The following CLCA2 variants were observed in gnomAD, a reference collection of about 807,000 sequenced individuals.
CLCA2 encodes calcium-activated chloride channel regulator 2.
In CLCA2, 85 loss-of-function variants were observed where a neutral mutation model predicts 82.9. That is an observed-to-expected ratio of 1.03 (90% confidence interval 0.86 to 1.23). CLCA2 has a LOEUF of 1.23. Ranked by LOEUF, CLCA2 falls within the 50% of genes most tolerant of loss-of-function variation. The pLI is 0.00. For synonymous variants in CLCA2, 421 were observed against 391.7 expected (o/e 1.07, Z -0.88); for missense variants, 1,089 against 1,124.8 (o/e 0.97, Z 0.45).
rs562253461 is a variant in CLCA2, at chr1:86,443,662, C to A, written c.1489-125C>A. 25 of 717,184 alleles carry A rather than the reference C, an allele frequency of 3.5e-5. No individual in the cohort carries two copies. In the African/African-American group the frequency reaches 3.8e-4, roughly 11 times the overall value. The allele number at this position is 717,184 out of a possible 1,614,324, so 44.4% of individuals were successfully genotyped here. ...ATTTTTTATGAAAAATGATGTATAA[C>A]TACAGTACCTGTCAGAATTAAATTA... is the stretch of plus-strand genomic sequence containing the variant. On this transcript the variant is annotated intron_variant, in intron 9 of 13. Coordinates refer to ENST00000370565, the MANE Select transcript of CLCA2 (RefSeq NM_006536.7).
At chr1:86,438,205 C>G (rs1194850147) in intron 6 of CLCA2, among the ~76,000 whole-genome samples, 1 of 152,182 alleles carries the variant, frequency 6.6e-6, no homozygotes, top group Non-Finnish European at 1.5e-5. Context: ...CTTGCTGCTC[C>G]TCTCTTTTCC....
intron 11 of CLCA2, chr1:86,448,544 T>G (rs1248243949): frequency 6.6e-6 from 1 of 152,268 alleles, no homozygotes; most frequent in African/African-American, 2.4e-5. Context: ...GTTATTTTCC[T>G]AAATTACATT....
rs201792804 is a variant in CLCA2 at position 86,447,537 on chromosome 1, T to C, written c.1743T>C (p.Asn581=). The change falls in exon 11 of 14, where the codon AAT becomes AAC. Residue 581 remains asparagine, a synonymous_variant. Transcript: ENST00000370565. ...GGCACTGGACTTACACCCTGAACAA[T>C]ACCCATCATTCTCTGCAAGCCCTGA... is the stretch of plus-strand genomic sequence containing the variant. The part of the protein sequence containing the change: ...KPGHWTYTLN[N]THHSLQALKV... 27 of 1,614,020 alleles carry C rather than the reference T, an allele frequency of 1.7e-5. No homozygotes were observed. In the East Asian group the frequency reaches 3.8e-4, roughly 23 times the overall value.
chr1:86,435,852 T>G (rs1346768717), intron 6 of CLCA2, among the ~76,000 whole-genome samples: 1 of 152,096 alleles, frequency 6.6e-6, no homozygotes, highest in Non-Finnish European at 1.5e-5. Flanking sequence ...CTATTATCTA[T>G]GCCCAGGGTC....
intron 9 of CLCA2, among the ~76,000 whole-genome samples, chr1:86,443,558 A>G (rs1199512908): frequency 6.6e-6 from 1 of 152,246 alleles, no homozygotes; most frequent in Non-Finnish European, 1.5e-5. Flanking sequence ...GAATAATGAA[A>G]TGACACTTGC....
Position 86,447,627 on chromosome 1 carries a change from GGAAA to G in CLCA2, c.1836_1839del (p.Arg613ThrfsTer9). 1 of 1,614,054 alleles carries G rather than the reference GGAAA, an allele frequency of 6.2e-7. No individual in the cohort carries two copies. Among genetic ancestry groups the G allele is most frequent in the Admixed American group, 1.7e-5 (1 of 59,984 alleles). ...CCCCAGCCACTGTGGAAGCCTTTGT[GGAAA>G]GAGACAGCCTCCATTTTCCTCATCC... On this transcript the variant is annotated frameshift_variant, in exon 11 of 14. Transcript: ENST00000370565. LOFTEE classifies it high-confidence loss of function.
chr1:86,438,556 C>T (rs1041510447), intron 6 of CLCA2, among the ~76,000 whole-genome samples: 1 of 152,110 alleles, frequency 6.6e-6, no homozygotes, highest in Non-Finnish European at 1.5e-5. Context: ...TTACAAATTT[C>T]GTCTCAGCTG....
rs1395391083 is a variant in CLCA2 at position 86,430,970 on chromosome 1, G to T, written c.584G>T (p.Arg195Met). 1.9e-6 allele frequency: 3 copies of T among 1,590,354 alleles called. No homozygotes were observed. In the African/African-American group the frequency reaches 4.1e-5, roughly 21 times the overall value. Residue 195 changes from arginine (R) to methionine (M), a missense_variant and splice_region_variant, in exon 4 of 14, where the codon AGG becomes ATG. Transcript: ENST00000370565. ...GGGCAAAATCAAATTAAAGTGACAA[G>T]GTTAGTACTTTTTTTCATGTTATAA... is the stretch of plus-strand genomic sequence containing the variant. ...INGQNQIKVT[R>M]CSSDITGIFV... is the part of the protein sequence containing the mutation.
Position 86,443,922 on chromosome 1 carries a change from G to T in CLCA2, c.1624G>T (p.Asp542Tyr). Residue 542 changes from aspartate (D) to tyrosine (Y), a missense_variant, in exon 10 of 14, where the codon GAT (aspartate) becomes TAT (tyrosine). Transcript: ENST00000370565. ...ASGPPEIILF[D>Y]PDGRKYYTNN... is the part of the protein sequence containing the mutation. ...TGGTCCTCCTGAGATTATATTATTT[G>T]ATCCTGATGGACGAAAATACTACAC... is the stretch of plus-strand genomic sequence containing the variant. 6.2e-7 allele frequency: 1 copy of T among 1,613,572 alleles called. No homozygotes were observed. The highest frequency in any genetic ancestry group is 1.1e-5 in the South Asian group (1 of 91,040).
chr1:86,443,988 C>T lies in CLCA2; in HGVS notation c.1690C>T (p.Leu564Phe), dbSNP rs563509175. The change falls in exon 10 of 14, where the codon CTT (leucine) becomes TTT (phenylalanine). Residue 564 changes from leucine to phenylalanine, a missense_variant. Coordinates refer to ENST00000370565, the MANE Select transcript of CLCA2 (RefSeq NM_006536.7). ...ITNLTFRTAS[L>F]WIPGTAKPGH... is the part of the protein sequence containing the mutation. Reference sequence around the variant, plus strand: ...CAATCTAACTTTTCGGACAGCTAGTCTTTGGATTCCAGGAACAGCTAAGGT... The same window carrying T: ...CAATCTAACTTTTCGGACAGCTAGTTTTTGGATTCCAGGAACAGCTAAGGT... 13 of 1,611,832 alleles carry T rather than the reference C, an allele frequency of 8.1e-6. No homozygotes were observed. Among genetic ancestry groups the T allele is most frequent in the Middle Eastern group, 1.7e-4 (1 of 6,056 alleles).
chr1:86,447,287 T>C (rs1312714756), intron 10 of CLCA2, among the ~76,000 whole-genome samples: 2 of 152,160 alleles, frequency 1.3e-5, no homozygotes, highest in African/African-American at 4.8e-5. Flanking sequence ...CCCTAAAGAA[T>C]TATCTAGAAA....
chr1:86,450,471 G>T (rs1005928559), intron 11 of CLCA2, 92 bp from the exon 12 acceptor site: 10 of 987,210 alleles, frequency 1.0e-5, no homozygotes, highest in South Asian at 2.0e-5. Context: ...TATATAGAAA[G>T]AATAAGGGGA....
chr1:86,432,533 G>A lies in CLCA2; in HGVS notation c.744+5G>A, dbSNP rs747105213. ...TTCATGCAAAGTTTATCTTCTGTAA[G>A]TATGCCCTTGGAATGACACACTCTT... On this transcript the variant is annotated splice_donor_5th_base_variant and intron_variant, in intron 5 of 13. Coordinates refer to ENST00000370565, the MANE Select transcript of CLCA2 (RefSeq NM_006536.7). 6.2e-7 allele frequency: 1 copy of A among 1,612,906 alleles called. No individual in the cohort carries two copies. Among genetic ancestry groups the A allele is most frequent in the Admixed American group, 1.7e-5 (1 of 59,820 alleles).
rs1358642256 is a variant in CLCA2 at position 86,432,511 on chromosome 1, A to G, written c.727A>G (p.Met243Val). ...AAATGCAACTGCATCAATAATGTTCATGCAAAGTTTATCTTCTGTAAGTAT... is the reference window on the plus strand; with the variant it reads ...AAATGCAACTGCATCAATAATGTTCGTGCAAAGTTTATCTTCTGTAAGTAT... ...TQNATASIMF[M>V]QSLSSVVEFC... Residue 243 changes from methionine (M) to valine (V), a missense_variant, in exon 5 of 14, where the codon ATG (methionine) becomes GTG (valine). By Grantham distance (21) the Met-to-Val change is conservative. Coordinates refer to ENST00000370565, the MANE Select transcript of CLCA2 (RefSeq NM_006536.7). 2.5e-6 allele frequency: 4 copies of G among 1,613,840 alleles called. 1 individual carries two copies. The South Asian group carries it at 4.4e-5, about 18-fold the overall frequency.
chr1:86,438,321 C>G (rs892892008), intron 6 of CLCA2, among the ~76,000 whole-genome samples: 1 of 152,210 alleles, frequency 6.6e-6, no homozygotes, highest in Non-Finnish European at 1.5e-5. Context: ...CATGGTATAA[C>G]TGTACTGCCA....
Position 86,440,140 on chromosome 1 carries a change from A to G in CLCA2, c.1204-8A>G, listed in dbSNP as rs1662694599. On this transcript the variant is annotated splice_polypyrimidine_tract_variant and splice_region_variant and intron_variant, in intron 7 of 13. Transcript: ENST00000370565. ...CTTCCTTCCAAGTGACTAATTCTCT[A>G]TGTTCAGGTGGTTGAAAAACTGAAT... 6.2e-7 allele frequency: 1 copy of G among 1,612,534 alleles called. No individual in the cohort carries two copies. Among genetic ancestry groups the G allele is most frequent in the Non-Finnish European group, 8.5e-7 (1 of 1,179,338 alleles).
chr1:86,425,727 T>C (rs1400280357), intron 2 of CLCA2, among the ~76,000 whole-genome samples: 1 of 152,166 alleles, frequency 6.6e-6, no homozygotes, highest in Non-Finnish European at 1.5e-5. Flanking sequence ...TTGTAACTTA[T>C]GGAGTACTTT....
Position 86,432,622 on chromosome 1 carries a change from A to G in CLCA2, c.744+94A>G, listed in dbSNP as rs531905003. ...TTATAAGATAATTAAGATGCACTAT[A>G]CTTTAGAACTTGGGGGACCCTAGAG... On this transcript the variant is annotated intron_variant, in intron 5 of 13. Transcript: ENST00000370565. The G allele has an allele frequency of 7.0e-6, 10 of 1,421,998 alleles. No homozygotes were observed. The South Asian group carries it at 1.4e-4, about 20-fold the overall frequency. The allele number at this position is 1,421,998 out of a possible 1,614,324, so 88.1% of individuals were successfully genotyped here.
In CLCA2 at chr1:86,450,672, C is replaced by CA. The variant is rs753058624; in HGVS notation, c.2095dup (p.Thr699AsnfsTer22). The CA allele has an allele frequency of 5.6e-6, 9 of 1,613,400 alleles. No homozygotes were observed. In the South Asian group the frequency reaches 9.9e-5, roughly 18 times the overall value. On this transcript the variant is annotated frameshift_variant, in exon 12 of 14. Transcript: ENST00000370565. LOFTEE classifies it high-confidence loss of function. Reference sequence around the variant, plus strand: ...ATGTCAATCACTCTCCCAGCATAAGCACCCCAGCCCACTCTATTCCAGGGA... The same window carrying CA: ...ATGTCAATCACTCTCCCAGCATAAGCAACCCCAGCCCACTCTATTCCAGGGA...
Sources: allele counts gnomAD v4.1 joint callset (sites outside exome capture counted in the v4.1 genomes callset), GRCh38; gene constraint gnomAD v4.1.1; transcripts MANE v1.5; gene names NCBI Gene and HGNC (gene_info 2026-07-23, HGNC 2026-07-21).